Variants in CELF5 observed in about 807,000 individuals in gnomAD.
The protein encoded by CELF5 is CUGBP Elav-like family member 5, also known as CUG-BP and ETR-3 like factor 5.
Under a neutral mutation model 54.9 loss-of-function variants are expected in CELF5, and 6 were observed. That is an observed-to-expected ratio of 0.11 (90% confidence interval 0.06 to 0.22). The LOEUF (loss-of-function observed/expected upper bound fraction) is 0.22. CELF5 is among the 10% of genes least tolerant of loss of function. The pLI, the probability that CELF5 is intolerant of heterozygous loss-of-function variation, is 1.00. For missense variants in CELF5, 401 were observed against 678.6 expected, an observed-to-expected ratio of 0.59 and a Z score of 4.54; for synonymous variants, 271 against 290.9, an observed-to-expected ratio of 0.93 and a Z score of 0.70.
chr19:3,287,927 A>G (rs1206123804), intron 10 of CELF5, among the ~76,000 whole-genome samples: 1 of 152,238 alleles, frequency 6.6e-6, no homozygotes, highest in African/African-American at 2.4e-5. Context: ...TAGAATGTGC[A>G]CGTGGAAACG....
In CELF5 at chr19:3,225,697, G is replaced by A. The variant is rs73517111; in HGVS notation, c.259+699G>A. 1,318 of 620,248 alleles carry A rather than the reference G, an allele frequency of 2.1e-3. 20 individuals are homozygous for A. In the African/African-American group the frequency reaches 0.025, roughly 12 times the overall value. 38.4% of individuals were successfully genotyped at this position (620,248 alleles called of 1,614,324 possible). ...CCTCGCCTGCCTCGGGTGGCGGAGA[G>A]GCTCCCGTCGCTGCCCACCCCCTGG... On this transcript the variant is annotated intron_variant, in intron 1 of 12. Transcript: ENST00000292672.
intron 2 of CELF5, among the ~76,000 whole-genome samples, chr19:3,256,253 T>C (rs2145082310): frequency 6.6e-6 from 1 of 152,110 alleles, no homozygotes; most frequent in African/African-American, 2.4e-5. Context: ...CTACCTTACT[T>C]TCAAGGTAAC....
At chr19:3,266,254 C>T (rs1275885445) in intron 2 of CELF5, among the ~76,000 whole-genome samples, 3 of 151,992 alleles carry the variant, frequency 2.0e-5, no homozygotes, top group African/African-American at 7.2e-5. Context: ...GACATGGCAC[C>T]CCGGTGGGCA....
At chr19:3,245,647 G>A (rs147450082) in intron 1 of CELF5, among the ~76,000 whole-genome samples, 3 of 151,636 alleles carry the variant, frequency 2.0e-5, no homozygotes, top group Admixed American at 6.6e-5. Flanking sequence ...ATTTCTTGCC[G>A]ATCAAACCTG....
chr19:3,297,047 A>T lies in CELF5; in HGVS notation c.*330A>T, dbSNP rs1884612374. The T allele has an allele frequency of 6.6e-6, 1 of 151,152 alleles. No homozygotes were observed. Among genetic ancestry groups the T allele is most frequent in the Non-Finnish European group, 1.5e-5 (1 of 67,850 alleles). 9.4% of individuals were successfully genotyped at this position (151,152 alleles called of 1,614,324 possible). A position where few individuals can be genotyped will look rare whatever the true frequency, so the allele number is the denominator to read the frequency against. ...AAAAAAAAAAAAAAAACAACTAAAAATTTATTTAATAAAAGTTTTACTTGC... is the reference window on the plus strand; with the variant it reads ...AAAAAAAAAAAAAAAACAACTAAAATTTTATTTAATAAAAGTTTTACTTGC... On this transcript the variant is annotated 3_prime_UTR_variant, in exon 13 of 13. Coordinates refer to ENST00000292672, the MANE Select transcript of CELF5 (RefSeq NM_021938.4).
chr19:3,292,621 C>G (rs1342256855), intron 11 of CELF5, among the ~76,000 whole-genome samples: 1 of 151,926 alleles, frequency 6.6e-6, no homozygotes, highest in Admixed American at 6.6e-5. Flanking sequence ...TGGACAGAGA[C>G]TGGAGCAGAG....
chr19:3,251,335 G>A (rs1490118618), intron 2 of CELF5, among the ~76,000 whole-genome samples: 8 of 152,216 alleles, frequency 5.3e-5, no homozygotes, highest in East Asian at 1.9e-4. Context: ...CCAGTGTGTC[G>A]TTGTCTTTGG....
chr19:3,273,884 A>G lies in CELF5; in HGVS notation c.355A>G (p.Ile119Val). The change falls in exon 3 of 13, where the codon ATC becomes GTC. Residue 119 changes from isoleucine to valine, a missense_variant. By Grantham distance (29) the Ile-to-Val change is conservative. Coordinates refer to ENST00000292672, the MANE Select transcript of CELF5 (RefSeq NM_021938.4). ...CCTCTCTCTGCAGATGGCGCGGCCA[A>G]TCCAGGTGAAGCCTGCGGACAGTGA... is the stretch of plus-strand genomic sequence containing the variant. ...QKTLPGMARP[I>V]QVKPADSESR... 2 of 1,613,774 alleles carry G rather than the reference A, an allele frequency of 1.2e-6. No individual in the cohort carries two copies. Among genetic ancestry groups the G allele is most frequent in the Non-Finnish European group, 1.7e-6 (2 of 1,179,682 alleles).
intron 2 of CELF5, among the ~76,000 whole-genome samples, chr19:3,266,532 A>G (rs763539103): frequency 9.9e-5 from 15 of 152,064 alleles, no homozygotes; most frequent in Non-Finnish European, 1.6e-4. Context: ...GGATGCAAAT[A>G]CGTCATTTAC....
chr19:3,250,883 G>GTC, intron 1 of CELF5, 102 bp from the exon 2 acceptor site: 4 of 599,010 alleles, frequency 6.7e-6, no homozygotes, highest in South Asian at 2.6e-5. Flanking sequence ...ATCTGTGGAT[G>GTC]GAAGCTTGGG....
chr19:3,265,879 T>G (rs2079874826), intron 2 of CELF5, among the ~76,000 whole-genome samples: 2 of 152,126 alleles, frequency 1.3e-5, no homozygotes, highest in Non-Finnish European at 2.9e-5. Context: ...TGATCTCAGC[T>G]CACTGCAACC....
At chr19:3,257,512 G>C (rs2079744997) in intron 2 of CELF5, among the ~76,000 whole-genome samples, 1 of 151,830 alleles carries the variant, frequency 6.6e-6, no homozygotes, top group Admixed American at 6.6e-5. Flanking sequence ...TTTCACTCTT[G>C]TTGCCCAGGC....
intron 1 of CELF5, among the ~76,000 whole-genome samples, chr19:3,235,527 TAGGTG>T (rs1568329816): frequency 5.6e-4 from 67 of 119,490 alleles, no homozygotes; most frequent in East Asian, 1.5e-3. Flanking sequence ...GATGGATGAA[TAGGTG>T]GGTGGGTGGA....
At chr19:3,244,171 CA>C (rs1388115291) in intron 1 of CELF5, among the ~76,000 whole-genome samples, 1 of 151,986 alleles carries the variant, frequency 6.6e-6, no homozygotes, top group Non-Finnish European at 1.5e-5. Context: ...GCCAAGAGAT[CA>C]CGGAAGCCAT....
In CELF5 at chr19:3,245,916, G is replaced by A. The variant is rs545256858; in HGVS notation, c.260-5069G>A. 2.0e-5 allele frequency among the ~76,000 whole-genome samples: 3 copies of A among 152,276 alleles called. No homozygotes were observed. In the East Asian group the frequency reaches 5.8e-4, roughly 29 times the overall value. On this transcript the variant is annotated intron_variant, in intron 1 of 12. Coordinates refer to ENST00000292672, the MANE Select transcript of CELF5 (RefSeq NM_021938.4). ...CTTAATGACTAACATTTAAAAGGTT[G>A]GCAAAAACCAAGCATTAGTGAAGAT...
At chr19:3,241,921 C>A (rs929359295) in intron 1 of CELF5, among the ~76,000 whole-genome samples, 3 of 152,040 alleles carry the variant, frequency 2.0e-5, no homozygotes, top group African/African-American at 7.2e-5. Context: ...ACCAGAGGCG[C>A]GCGCCGCCAC....
chr19:3,277,909 C>T, intron 4 of CELF5, 122 bp from the exon 5 acceptor site: 3 of 700,552 alleles, frequency 4.3e-6, no homozygotes, highest in Non-Finnish European at 7.5e-6. Flanking sequence ...GTTATCAGTT[C>T]TCTCTGGCTG....
chr19:3,244,875 G>A (rs1209370759), intron 1 of CELF5, among the ~76,000 whole-genome samples: 2 of 149,848 alleles, frequency 1.3e-5, no homozygotes, highest in Non-Finnish European at 3.0e-5. Flanking sequence ...TGTGGTGTGT[G>A]TATGTGTCTT....
chr19:3,295,915 T>C (rs2080434424), intron 12 of CELF5: 1 of 152,288 alleles, frequency 6.6e-6, no homozygotes, highest in African/African-American at 2.4e-5. Flanking sequence ...AGGCAGCCAT[T>C]GTCCCTGCCT....
Sources: allele counts gnomAD v4.1 joint callset (sites outside exome capture counted in the v4.1 genomes callset), GRCh38; gene constraint gnomAD v4.1.1; transcripts MANE v1.5; gene names NCBI Gene and HGNC (gene_info 2026-07-23, HGNC 2026-07-21).